DYTN: variants seen among roughly 807,000 people sequenced by gnomAD.
The protein encoded by DYTN is dystrotelin.
DYTN carries 75 observed loss-of-function variants against 69.6 expected under a neutral mutation model. The ratio of observed to expected loss-of-function variants is 1.08; its 90% CI spans 0.89 to 1.31. DYTN has a LOEUF of 1.31. Ranked by LOEUF, DYTN falls within the 50% of genes most tolerant of loss-of-function variation. The pLI is 0.00. For missense variants in DYTN, 726 were observed against 688.4 expected (o/e 1.05, Z -0.61); for synonymous variants, 252 against 249.1 (o/e 1.01, Z -0.11).
Position 206,679,287 on chromosome 2 carries a change from C to G in DYTN, c.981-13258G>C, listed in dbSNP as rs144588005. On this transcript the variant is annotated intron_variant, in intron 9 of 11. Coordinates refer to ENST00000452335, the MANE Select transcript of DYTN (RefSeq NM_001093730.1). ...TGAAGGTTTTACTCACCCACCCCCA[C>G]AATAGCAATAAAGCAGGCCAACTTT... 1.1e-3 allele frequency: 174 copies of G among 152,288 alleles called. 2 individuals are homozygous for G. The highest frequency in any genetic ancestry group is 4.1e-3 in the African/African-American group (172 of 41,574). The allele number at this position is 152,288 out of a possible 1,614,324, so 9.4% of individuals were successfully genotyped here.
chr2:206,684,548 T>A (rs1699785715), intron 9 of DYTN, among the ~76,000 whole-genome samples: 1 of 152,180 alleles, frequency 6.6e-6, no homozygotes, highest in Non-Finnish European at 1.5e-5. Flanking sequence ...CAAGTGATCC[T>A]CCTTCACTTT....
At chr2:206,707,558 T>C in intron 2 of DYTN, 55 bp from the exon 3 acceptor site, 1 of 1,510,516 alleles carries the variant, frequency 6.6e-7, no homozygotes, top group South Asian at 1.2e-5. Flanking sequence ...ACAAAAGGCT[T>C]CAAATAAAGC....
At chr2:206,710,167 A>G (rs954277270) in intron 2 of DYTN, among the ~76,000 whole-genome samples, 1 of 152,246 alleles carries the variant, frequency 6.6e-6, no homozygotes, top group Admixed American at 6.5e-5. Context: ...TAAATCTATA[A>G]GTGCAGTTTT....
chr2:206,700,565 T>C (rs1699966584), intron 5 of DYTN, among the ~76,000 whole-genome samples: 1 of 152,062 alleles, frequency 6.6e-6, no homozygotes, highest in Non-Finnish European at 1.5e-5. Flanking sequence ...ATCACAATAA[T>C]ACTGTCTTAA....
At chr2:206,683,879 C>T (rs1195862492) in intron 9 of DYTN, among the ~76,000 whole-genome samples, 1 of 152,164 alleles carries the variant, frequency 6.6e-6, no homozygotes, top group Non-Finnish European at 1.5e-5. Flanking sequence ...AATGTCACCT[C>T]TCACTGAGGT....
chr2:206,671,784 A>C (rs1048372608), intron 9 of DYTN, among the ~76,000 whole-genome samples: 1 of 152,242 alleles, frequency 6.6e-6, no homozygotes, highest in Non-Finnish European at 1.5e-5. Context: ...TATGTGGTAC[A>C]TATTTTTCTG....
In DYTN at chr2:206,707,282, C is replaced by G; in HGVS notation, c.296+20G>C. ...CTAAACTTTGCCTTTGAGGTCACAG[C>G]GCGACGTCCACACCCTCACCTGTTG... On this transcript the variant is annotated intron_variant, in intron 3 of 11. Transcript: ENST00000452335. 6.2e-7 allele frequency: 1 copy of G among 1,604,690 alleles called. No individual in the cohort carries two copies. The highest frequency in any genetic ancestry group is 8.5e-7 in the Non-Finnish European group (1 of 1,175,832).
chr2:206,705,441 C>A (rs1331141795), intron 4 of DYTN, among the ~76,000 whole-genome samples: 2 of 152,170 alleles, frequency 1.3e-5, no homozygotes, highest in African/African-American at 4.8e-5. Context: ...CTAACGGAAA[C>A]CCATTCACAT....
chr2:206,665,855 C>A lies in DYTN; in HGVS notation c.1140+15G>T. On this transcript the variant is annotated intron_variant, in intron 10 of 11. Transcript: ENST00000452335. ...CCAGGCAGTCCAGATGGCCAGTGTC[C>A]CTCACATTTTATACCTGTAGGTCCC... 1 of 1,612,112 alleles carries A rather than the reference C, an allele frequency of 6.2e-7. No individual in the cohort carries two copies. Among genetic ancestry groups the A allele is most frequent in the Non-Finnish European group, 8.5e-7 (1 of 1,179,012 alleles).
chr2:206,696,165 G>T (rs16838595), intron 7 of DYTN, among the ~76,000 whole-genome samples: 20,999 of 152,182 alleles, frequency 0.14, 1,865 homozygotes, highest in East Asian at 0.21. Context: ...TACATGGAAG[G>T]CTGGGCTGGA....
chr2:206,694,922 G>GAAGAA, intron 7 of DYTN, 45 bp from the exon 8 acceptor site: 70 of 713,928 alleles, frequency 9.8e-5, no homozygotes, highest in East Asian at 6.8e-4. Context: ...TAGTAGATGA[G>GAAGAA]AAAAAAAAAA....
intron 2 of DYTN, among the ~76,000 whole-genome samples, chr2:206,708,083 C>T (rs917503924): frequency 4.6e-5 from 7 of 152,190 alleles, no homozygotes; most frequent in African/African-American, 1.4e-4. Context: ...AGTAATACCA[C>T]TGTTAACAAT....
chr2:206,662,949 T>G lies in DYTN; in HGVS notation c.1587A>C (p.Glu529Asp), dbSNP rs761427497. The G allele has an allele frequency of 3.1e-6, 5 of 1,613,720 alleles. No homozygotes were observed. Among genetic ancestry groups the G allele is most frequent in the Non-Finnish European group, 4.2e-6 (5 of 1,179,832 alleles). ...AGGCATCCATAAGTTTTGACAATAGTTCTTGCAGTTCCTCTTCCTCCAGCT... is the reference window on the plus strand; with the variant it reads ...AGGCATCCATAAGTTTTGACAATAGGTCTTGCAGTTCCTCTTCCTCCAGCT... ...KDELEEEELQ[E>D]LLSKLMDAFN... Residue 529 changes from glutamate to aspartate, a missense_variant, in exon 11 of 12, where the codon GAA becomes GAC. Transcript: ENST00000452335.
rs1307721354 is a variant in DYTN, at chr2:206,665,998, C to G, written c.1012G>C (p.Asp338His). The change falls in exon 10 of 12, where the codon GAC becomes CAC. Residue 338 changes from aspartate to histidine, a missense_variant. Coordinates refer to ENST00000452335, the MANE Select transcript of DYTN (RefSeq NM_001093730.1). ...GAGGTGTATATAGCTTGCAACTTGT[C>G]TTTGTATTGGTTTAACTGTTTTTTA... Reference protein sequence around the residue: ...LLKKQLNQYKDKLQAIYTSQE... With the variant: ...LLKKQLNQYKHKLQAIYTSQE... The G allele has an allele frequency of 1.9e-6, 3 of 1,613,688 alleles. No individual in the cohort carries two copies. The highest frequency in any genetic ancestry group is 2.5e-6 in the Non-Finnish European group (3 of 1,179,798).
chr2:206,685,046 T>G (rs1191867363), intron 9 of DYTN, among the ~76,000 whole-genome samples: 1 of 152,188 alleles, frequency 6.6e-6, no homozygotes, highest in Non-Finnish European at 1.5e-5. Context: ...ACAATGGAAG[T>G]ACAGCCTGGG....
At chr2:206,666,738 CGTGTGT>C (rs56345459) in intron 9 of DYTN, among the ~76,000 whole-genome samples, 17,514 of 145,612 alleles carry the variant, frequency 0.12, 1,059 homozygotes, top group Middle Eastern at 0.17. Flanking sequence ...CATGGGTGTG[CGTGTGT>C]GTGTGTGTGT....
intron 9 of DYTN, among the ~76,000 whole-genome samples, chr2:206,676,238 C>G (rs1699684016): frequency 6.6e-6 from 1 of 152,140 alleles, no homozygotes; most frequent in Admixed American, 6.5e-5. Context: ...CCATGGAATA[C>G]TATGCAGTCA....
At chr2:206,670,358 C>A (rs972120500) in intron 9 of DYTN, 3 of 151,838 alleles carry the variant, frequency 2.0e-5, no homozygotes, top group Non-Finnish European at 4.4e-5. Flanking sequence ...CACAGGATTT[C>A]TTGGCTTAAA....
Position 206,705,394 on chromosome 2 carries a change from G to A in DYTN, c.382+394C>T, listed in dbSNP as rs187558670. Among the ~76,000 whole-genome samples the A allele has an allele frequency of 2.0e-3, 308 of 152,260 alleles. 2 individuals are homozygous for A. The highest frequency in any genetic ancestry group is 2.4e-3 in the Non-Finnish European group (166 of 68,018). On this transcript the variant is annotated intron_variant, in intron 4 of 11. Coordinates refer to ENST00000452335, the MANE Select transcript of DYTN (RefSeq NM_001093730.1). Reference sequence around the variant, plus strand: ...ATTACAGGCATGAGCCACCACGTCCGGTCACTATGATTTTTGTAATAACCG... The same window carrying A: ...ATTACAGGCATGAGCCACCACGTCCAGTCACTATGATTTTTGTAATAACCG...
Sources: allele counts gnomAD v4.1 joint callset (sites outside exome capture counted in the v4.1 genomes callset), GRCh38; gene constraint gnomAD v4.1.1; transcripts MANE v1.5; gene names NCBI Gene and HGNC (gene_info 2026-07-23, HGNC 2026-07-21).